The following CHSY3 variants were observed in gnomAD, a reference collection of about 807,000 sequenced individuals.
The protein encoded by CHSY3 is N-acetylgalactosaminyl-proteoglycan 3-beta-glucuronosyltransferase 3.
CHSY3 carries 35 observed loss-of-function variants against 67.2 expected under a neutral mutation model. That is an observed-to-expected ratio of 0.52 (90% CI 0.40 to 0.69). The LOEUF (loss-of-function observed/expected upper bound fraction) is 0.69. Ranked by LOEUF, CHSY3 falls within the 30% of genes least tolerant of loss-of-function variation. CHSY3 has a pLI of 0.00. For synonymous variants in CHSY3, 474 were observed against 434.7 expected (o/e 1.09, Z -1.12); for missense variants, 1,069 against 1,138.5 (o/e 0.94, Z 0.88).
chr5:130,169,657 A>G (rs114616376), intron 2 of CHSY3, among the ~76,000 whole-genome samples: 96 of 150,232 alleles, frequency 6.4e-4, no homozygotes, highest in Admixed American at 1.5e-3. Flanking sequence ...TCACAAGGCT[A>G]AACAGTTGGT....
chr5:130,047,870 C>T lies in CHSY3; in HGVS notation c.1087-136359C>T, dbSNP rs1765202366. 1.3e-5 allele frequency among the ~76,000 whole-genome samples: 2 copies of T among 151,552 alleles called. 1 individual carries two copies. Among genetic ancestry groups the T allele is most frequent in the African/African-American group, 4.9e-5 (2 of 41,122 alleles). Reference sequence around the variant, plus strand: ...ATTCAAATTTTAATATAACATTTCACCTTTTATAATTACTGAACAGAATTA... The same window carrying T: ...ATTCAAATTTTAATATAACATTTCATCTTTTATAATTACTGAACAGAATTA... On this transcript the variant is annotated intron_variant, in intron 2 of 2. Coordinates refer to ENST00000305031, the MANE Select transcript of CHSY3 (RefSeq NM_175856.5).
chr5:129,987,607 C>G (rs1013208165), intron 2 of CHSY3, among the ~76,000 whole-genome samples: 1 of 152,116 alleles, frequency 6.6e-6, no homozygotes, highest in African/African-American at 2.4e-5. Context: ...TTCAGAGATA[C>G]TAGAGCTTTG....
intron 2 of CHSY3, among the ~76,000 whole-genome samples, chr5:129,938,479 G>T (rs1761581915): frequency 6.6e-6 from 1 of 152,178 alleles, no homozygotes; most frequent in Admixed American, 6.5e-5. Flanking sequence ...TTTATGCTTT[G>T]CTTCCCTTTT....
intron 2 of CHSY3, among the ~76,000 whole-genome samples, chr5:130,096,883 T>G (rs773591858): frequency 6.6e-6 from 1 of 152,206 alleles, no homozygotes; most frequent in Non-Finnish European, 1.5e-5. Context: ...ATTATTATTT[T>G]TATTCTCTTA....
At chr5:130,084,512 C>T (rs1161429288) in intron 2 of CHSY3, among the ~76,000 whole-genome samples, 1 of 151,776 alleles carries the variant, frequency 6.6e-6, no homozygotes, top group Non-Finnish European at 1.5e-5. Context: ...TGAGAACATG[C>T]GCCCAAGATG....
intron 2 of CHSY3, among the ~76,000 whole-genome samples, chr5:130,136,836 G>A (rs1768680582): frequency 6.6e-6 from 1 of 152,100 alleles, no homozygotes; most frequent in Non-Finnish European, 1.5e-5. Flanking sequence ...TATAATAAAT[G>A]TTATTGAATT....
chr5:130,165,390 A>T (rs949757417), intron 2 of CHSY3, among the ~76,000 whole-genome samples: 5 of 152,122 alleles, frequency 3.3e-5, no homozygotes, highest in African/African-American at 1.2e-4. Context: ...ATTAGGGCTA[A>T]CTCTTGACAT....
chr5:130,091,146 G>GCACGCACA (rs1554082167), intron 2 of CHSY3, among the ~76,000 whole-genome samples: 9 of 149,438 alleles, frequency 6.0e-5, no homozygotes, highest in African/African-American at 2.2e-4. Flanking sequence ...GCACACGCGC[G>GCACGCACA]CACACACACA....
In CHSY3 at chr5:130,186,099, G is replaced by C. The variant is rs992371729; in HGVS notation, c.*308G>C. On this transcript the variant is annotated 3_prime_UTR_variant, in exon 3 of 3. Coordinates refer to ENST00000305031, the MANE Select transcript of CHSY3 (RefSeq NM_175856.5). ...CTTTTGAAACGCATTCATCACAAGA[G>C]ACAGCTTAGAAGAATGTTCTCTTGG... 1.8e-5 allele frequency: 3 copies of C among 162,572 alleles called. No homozygotes were observed. The highest frequency in any genetic ancestry group is 4.8e-5 in the African/African-American group (2 of 41,824). 10.1% of individuals were successfully genotyped at this position (162,572 alleles called of 1,614,324 possible). A position where few individuals can be genotyped will look rare whatever the true frequency, so the allele number is the denominator to read the frequency against.
chr5:130,064,112 A>G (rs994313250), intron 2 of CHSY3, among the ~76,000 whole-genome samples: 9 of 152,116 alleles, frequency 5.9e-5, no homozygotes, highest in Non-Finnish European at 1.2e-4. Flanking sequence ...CAGATATACT[A>G]AGGAAGACTC....
At chr5:130,072,586 G>T (rs1295192994) in intron 2 of CHSY3, among the ~76,000 whole-genome samples, 1 of 152,084 alleles carries the variant, frequency 6.6e-6, no homozygotes, top group Non-Finnish European at 1.5e-5. Context: ...AAGTCAGGAA[G>T]TATGGTATGA....
intron 2 of CHSY3, among the ~76,000 whole-genome samples, chr5:130,092,452 A>G (rs1404691368): frequency 6.6e-6 from 1 of 152,132 alleles, no homozygotes; most frequent in East Asian, 1.9e-4. Flanking sequence ...TCTTTATAAA[A>G]TACTTAGAGC....
chr5:130,161,836 C>T (rs1353577271), intron 2 of CHSY3, among the ~76,000 whole-genome samples: 2 of 151,748 alleles, frequency 1.3e-5, no homozygotes, highest in Non-Finnish European at 2.9e-5. Flanking sequence ...TCCAAGAGTT[C>T]GAGACTAGCC....
intron 2 of CHSY3, among the ~76,000 whole-genome samples, chr5:130,133,018 TTATTATAC>T (rs1443494589): frequency 6.6e-6 from 1 of 152,222 alleles, no homozygotes; most frequent in Admixed American, 6.5e-5. Context: ...AAGTATTTAT[TTATTATAC>T]TATTATACTA....
chr5:129,946,842 C>T (rs962536553), intron 2 of CHSY3, among the ~76,000 whole-genome samples: 2 of 152,162 alleles, frequency 1.3e-5, no homozygotes, highest in Non-Finnish European at 2.9e-5. Flanking sequence ...AACAGACACC[C>T]AAGCCGTTTA....
intron 2 of CHSY3, among the ~76,000 whole-genome samples, chr5:129,962,466 G>T (rs1327738821): frequency 6.6e-6 from 1 of 151,996 alleles, no homozygotes; most frequent in African/African-American, 2.4e-5. Context: ...AATGCATCAA[G>T]ATTGTTCTCT....
At chr5:129,943,672 A>C (rs373021561) in intron 2 of CHSY3, among the ~76,000 whole-genome samples, 30 of 152,192 alleles carry the variant, frequency 2.0e-4, no homozygotes, top group African/African-American at 7.0e-4. Context: ...AGGATATTCT[A>C]ACTACTTTGC....
In CHSY3 at chr5:129,905,058, C is replaced by T. The variant is rs748240737; in HGVS notation, c.229C>T (p.Pro77Ser). The T allele has an allele frequency of 6.5e-7, 1 of 1,546,214 alleles. No individual in the cohort carries two copies. The highest frequency in any genetic ancestry group is 1.2e-5 in the South Asian group (1 of 84,502). Residue 77 changes from proline to serine, a missense_variant, in exon 1 of 3, where the codon CCC (proline) becomes TCC (serine). Physicochemically the swap from Pro to Ser is moderately conservative, Grantham distance 74. This residue lies in a region of CHSY3 where 309 missense variants were observed against 262.5 expected (regional missense o/e 1.18). Transcript: ENST00000305031. ...CCGACCACGGCAGGAGCAGTCGCCG[C>T]CCCCCGCGCGCCAGGATCTCCAGGG... ...QSRPRQEQSP[P>S]PARQDLQGPP... is the part of the protein sequence containing the mutation.
At chr5:130,146,384 G>A (rs745860366) in intron 2 of CHSY3, among the ~76,000 whole-genome samples, 1 of 152,068 alleles carries the variant, frequency 6.6e-6, no homozygotes, top group Non-Finnish European at 1.5e-5. Context: ...TCACTCATAC[G>A]TGGAAACTAA....
Sources: gnomAD v4.1 joint callset for allele counts (sites outside exome capture counted in the v4.1 genomes callset) on GRCh38, gnomAD v4.1.1 for gene constraint, gnomAD v4.1.1 regional missense constraint, MANE v1.5 for transcripts, NCBI Gene and HGNC (gene_info 2026-07-23, HGNC 2026-07-21) for gene names.